The following MYO18B variants were observed in gnomAD, a reference collection of about 807,000 sequenced individuals.
MYO18B encodes myosin XVIIIB, also known as unconventional myosin-XVIIIb.
Under a neutral mutation model 273.0 loss-of-function variants are expected in MYO18B, and 204 were observed. That is an observed-to-expected ratio of 0.75 (90% CI 0.67 to 0.84). The LOEUF (loss-of-function observed/expected upper bound fraction) is 0.84, where lower values mean the gene tolerates loss of function less well. Among genes scored for constraint, MYO18B ranks in the 40% least tolerant of loss-of-function variants. The pLI is 0.00. For synonymous variants in MYO18B, 1,330 were observed against 1,305.7 expected, an observed-to-expected ratio of 1.02 and a Z score of -0.40; for missense variants, 3,212 against 3,287.6, an observed-to-expected ratio of 0.98 and a Z score of 0.56.
At chr22:25,818,146 A>G (rs1292136717) in intron 12 of MYO18B, among the ~76,000 whole-genome samples, 2 of 152,180 alleles carry the variant, frequency 1.3e-5, no homozygotes, top group Non-Finnish European at 2.9e-5. Flanking sequence ...AAGTACCTGG[A>G]TAGAGTGTGT....
At chr22:25,895,374 A>T in intron 28 of MYO18B, 94 bp downstream of exon 28, 1 of 1,412,792 alleles carries the variant, frequency 7.1e-7, no homozygotes, top group Admixed American at 2.2e-5. Flanking sequence ...GCTGAGCCTG[A>T]AGAGGGAGGA....
chr22:25,872,208 G>A (rs964603683), intron 22 of MYO18B, among the ~76,000 whole-genome samples: 2 of 152,200 alleles, frequency 1.3e-5, no homozygotes, highest in African/African-American at 4.8e-5. Context: ...AAAAGGCATA[G>A]TGCAGGATGG....
Position 25,769,397 on chromosome 22 carries a change from G to T in MYO18B, c.1481G>T (p.Gly494Val). 2 of 1,564,028 alleles carry T rather than the reference G, an allele frequency of 1.3e-6. No individual in the cohort carries two copies. The highest frequency in any genetic ancestry group is 2.4e-5 in the South Asian group (2 of 84,084). Residue 494 changes from glycine to valine, a missense_variant, in exon 4 of 44, where the codon GGC becomes GTC. Physicochemically the swap from Gly to Val is moderately radical, Grantham distance 109. Coordinates refer to ENST00000335473, the MANE Select transcript of MYO18B (RefSeq NM_032608.7). ...GACGGGCCAGCCCCGCAGGAGGAGG[G>T]CAAAGGAGGCCAGAGCAGAGACTCA... ...NQDGPAPQEE[G>V]KGGQSRDSDQ...
rs141878545 is a variant in MYO18B at position 25,857,944 on chromosome 22, T to C, written c.3885+6365T>C. Among the ~76,000 whole-genome samples the C allele has an allele frequency of 2.5e-3, 388 of 152,392 alleles. 2 individuals carry two copies. Among genetic ancestry groups the C allele is most frequent in the Admixed American group, 5.2e-3 (80 of 15,310 alleles). On this transcript the variant is annotated intron_variant, in intron 21 of 43. Transcript: ENST00000335473. ...ATGGGATTACAAGTGTGAACCACTG[T>C]GCACTGTGAGCTGGGTCTATTGTTT...
At chr22:26,015,624 G>A (rs1001851816) in intron 42 of MYO18B, among the ~76,000 whole-genome samples, 1 of 152,098 alleles carries the variant, frequency 6.6e-6, no homozygotes, top group African/African-American at 2.4e-5. Context: ...CACATAGAGG[G>A]GAACAACACA....
At chr22:25,852,935 A>G (rs1285498418) in intron 21 of MYO18B, among the ~76,000 whole-genome samples, 1 of 152,238 alleles carries the variant, frequency 6.6e-6, no homozygotes, top group Admixed American at 6.5e-5. Flanking sequence ...ATTTCAGGAT[A>G]AGTGCTACAA....
At chr22:25,780,374 T>A (rs2087089920) in intron 9 of MYO18B, among the ~76,000 whole-genome samples, 176 bp downstream of exon 9, 1 of 151,944 alleles carries the variant, frequency 6.6e-6, no homozygotes, top group South Asian at 2.1e-4. Flanking sequence ...GTGGATCACC[T>A]GAGGTCTGGG....
intron 7 of MYO18B, among the ~76,000 whole-genome samples, chr22:25,773,950 G>A (rs2086821001): frequency 6.6e-6 from 1 of 152,160 alleles, no homozygotes; most frequent in Admixed American, 6.5e-5. Context: ...TGTCGGAGGT[G>A]AGACATCTTA....
At chr22:26,018,195 G>A (rs763914067) in intron 42 of MYO18B, among the ~76,000 whole-genome samples, 9 of 152,174 alleles carry the variant, frequency 5.9e-5, no homozygotes, top group African/African-American at 7.2e-5. Flanking sequence ...ACTCGGCCCC[G>A]ACCTTAAGCA....
intron 7 of MYO18B, among the ~76,000 whole-genome samples, chr22:25,776,367 G>A (rs970648046): frequency 2.1e-4 from 32 of 152,240 alleles, no homozygotes; most frequent in Admixed American, 2.0e-4. Context: ...GGAGGCCGAG[G>A]CTGGCGGATC....
chr22:25,767,577 G>A (rs1465528441), intron 3 of MYO18B, among the ~76,000 whole-genome samples: 1 of 152,218 alleles, frequency 6.6e-6, no homozygotes, highest in Non-Finnish European at 1.5e-5. Context: ...CCTAGCTGGA[G>A]AGTGTTAGAG....
intron 11 of MYO18B, among the ~76,000 whole-genome samples, chr22:25,796,510 C>T (rs1051139397): frequency 3.3e-5 from 5 of 151,256 alleles, no homozygotes; most frequent in Admixed American, 6.6e-5. Flanking sequence ...GTGGAAGGAT[C>T]GTTTGAGCCC....
chr22:25,908,250 C>G (rs940551114), intron 31 of MYO18B, 72 bp from the exon 32 acceptor site: 4 of 1,213,828 alleles, frequency 3.3e-6, no homozygotes, highest in Non-Finnish European at 4.8e-6. Flanking sequence ...AATTGGAATG[C>G]CAAGGATGAC....
At chr22:26,014,066 T>C (rs1935118443) in intron 42 of MYO18B, among the ~76,000 whole-genome samples, 1 of 152,210 alleles carries the variant, frequency 6.6e-6, no homozygotes, top group East Asian at 1.9e-4. Flanking sequence ...GTTGAAAAAT[T>C]ATTTGCCTAC....
chr22:25,852,188 T>C (rs2090446139), intron 21 of MYO18B, among the ~76,000 whole-genome samples: 1 of 152,206 alleles, frequency 6.6e-6, no homozygotes, highest in Non-Finnish European at 1.5e-5. Context: ...CTTAGGGCCT[T>C]TGCACGAGCT....
chr22:26,004,632 C>T, intron 41 of MYO18B, 86 bp from the exon 42 acceptor site: 2 of 1,519,232 alleles, frequency 1.3e-6, no homozygotes, highest in Non-Finnish European at 9.0e-7. Context: ...TAGCACAATG[C>T]CTGGCTTATG....
At chr22:25,961,473 A>G (rs2092917683) in intron 39 of MYO18B, among the ~76,000 whole-genome samples, 1 of 152,078 alleles carries the variant, frequency 6.6e-6, no homozygotes, top group East Asian at 1.9e-4. Flanking sequence ...TTTGATCCTC[A>G]GTTTTGCCAT....
intron 11 of MYO18B, among the ~76,000 whole-genome samples, chr22:25,797,611 C>A (rs1425151265): frequency 2.0e-5 from 3 of 152,198 alleles, no homozygotes; most frequent in African/African-American, 4.8e-5. Context: ...CTTTCCAGTT[C>A]TACCTTGAGA....
intron 19 of MYO18B, among the ~76,000 whole-genome samples, chr22:25,847,088 A>T (rs539581778): frequency 6.6e-6 from 1 of 151,502 alleles, no homozygotes; most frequent in Non-Finnish European, 1.5e-5. Context: ...CAAAAAAAAA[A>T]AAATAAAGAA....
Sources: allele counts gnomAD v4.1 joint callset (sites outside exome capture counted in the v4.1 genomes callset), GRCh38; gene constraint gnomAD v4.1.1; transcripts MANE v1.5; gene names NCBI Gene and HGNC (gene_info 2026-07-23, HGNC 2026-07-21).